Variants in GRHL1 observed in about 807,000 individuals in gnomAD.
The protein encoded by GRHL1 is grainyhead-like protein 1 homolog.
Under a neutral mutation model 75.7 loss-of-function variants are expected in GRHL1, and 38 were observed. The ratio of observed to expected loss-of-function variants is 0.50; its 90% CI spans 0.39 to 0.66. The LOEUF is 0.66. Ranked by LOEUF, GRHL1 falls within the 30% of genes least tolerant of loss-of-function variation. The pLI is 0.00. For missense variants in GRHL1, 589 were observed against 767.5 expected (o/e 0.77, Z 2.75); for synonymous variants, 266 against 279.4 (o/e 0.95, Z 0.48).
rs551380037 is a variant in GRHL1 at position 9,963,999 on chromosome 2, T to G, written c.860T>G (p.Val287Gly). The change falls in exon 6 of 16, where the codon GTG becomes GGG. Residue 287 changes from valine to glycine, a missense_variant. Physicochemically the swap from Val to Gly is moderately radical, Grantham distance 109 (BLOSUM62 -3). Transcript: ENST00000324907. ...TTCTATCCCATCACCTTGAAGGAGG[T>G]GAGCAGCAGTGAAGGAATCCATCAT... is the stretch of plus-strand genomic sequence containing the variant. ...GQFYPITLKE[V>G]SSSEGIHHPI... 23 of 1,613,542 alleles carry G rather than the reference T, an allele frequency of 1.4e-5. No homozygotes were observed. In the Admixed American group the frequency reaches 3.2e-4, roughly 22 times the overall value.
chr2:10,000,492 C>T, intron 15 of GRHL1, 101 bp from the exon 16 acceptor site: 1 of 670,178 alleles, frequency 1.5e-6, no homozygotes, highest in East Asian at 2.6e-5. Context: ...ATTTGCCTCA[C>T]ATGCTGCAAC....
chr2:9,998,797 CACAT>C lies in GRHL1; in HGVS notation c.1678-166_1678-163del, dbSNP rs1229131441. Among the ~76,000 whole-genome samples, 54 of 43,708 alleles carry C rather than the reference CACAT, an allele frequency of 1.2e-3. 4 individuals carry two copies. The highest frequency in any genetic ancestry group is 1.9e-3 in the Non-Finnish European group (47 of 25,330). 28.7% of individuals were successfully genotyped at this position (43,708 alleles called of 152,430 possible). ...ACATATATACGTATATATATGTACACACATATATATACGTATATATATGTACACA... is the reference window on the plus strand; with the variant it reads ...ACATATATACGTATATATATGTACACATATATACGTATATATATGTACACA... On this transcript the variant is annotated intron_variant, in intron 14 of 15. Coordinates refer to ENST00000324907, the MANE Select transcript of GRHL1 (RefSeq NM_198182.3).
At chr2:9,953,759 A>G (rs192647979) in intron 1 of GRHL1, among the ~76,000 whole-genome samples, 1 of 152,322 alleles carries the variant, frequency 6.6e-6, no homozygotes, top group African/African-American at 2.4e-5. Context: ...CAGTCTTTCT[A>G]CATTCACTTT....
Position 9,958,830 on chromosome 2 carries a change from G to A in GRHL1, c.252G>A (p.Glu84=). Reference sequence around the variant, plus strand: ...CATCAACAGCAAAGCCAGAGGTGGAGCACCCTGAGCCAGATCACAGCAAAA... The same window carrying A: ...CATCAACAGCAAAGCCAGAGGTGGAACACCCTGAGCCAGATCACAGCAAAA... ...RRSSTAKPEV[E]HPEPDHSKRN... is the part of the protein sequence containing the mutation. The change falls in exon 3 of 16, where the codon GAG becomes GAA. Residue 84 remains glutamate, a synonymous_variant. Transcript: ENST00000324907. 1.9e-6 allele frequency: 3 copies of A among 1,613,760 alleles called. No homozygotes were observed. Among genetic ancestry groups the A allele is most frequent in the Non-Finnish European group, 2.5e-6 (3 of 1,179,698 alleles).
At chr2:9,979,292 G>C (rs1668098641) in intron 8 of GRHL1, among the ~76,000 whole-genome samples, 1 of 150,028 alleles carries the variant, frequency 6.7e-6, no homozygotes, top group Admixed American at 6.6e-5. Context: ...CTGGAGTGCA[G>C]TGGCATGACA....
At chr2:9,981,617 G>A (rs538348487) in intron 8 of GRHL1, among the ~76,000 whole-genome samples, 1 of 152,312 alleles carries the variant, frequency 6.6e-6, no homozygotes, top group Admixed American at 6.5e-5. Context: ...TATGACCTAC[G>A]GATGTGAAAA....
intron 8 of GRHL1, 74 bp downstream of exon 8, chr2:9,965,455 ATTT>A: frequency 3.1e-6 from 2 of 637,064 alleles, no homozygotes; most frequent in Non-Finnish European, 5.4e-6. Context: ...TTGACAACTG[ATTT>A]TTTTTTTTTT....
chr2:9,964,171 A>AT, intron 6 of GRHL1, 64 bp from the exon 7 acceptor site: 5 of 1,324,150 alleles, frequency 3.8e-6, no homozygotes, highest in Non-Finnish European at 3.2e-6. Context: ...ATAGTACTAA[A>AT]TACGTTTTCC....
rs1369542531 is a variant in GRHL1, at chr2:10,001,327, A to C, written c.*620A>C. The C allele has an allele frequency of 6.6e-6, 1 of 152,662 alleles. No individual in the cohort carries two copies. The highest frequency in any genetic ancestry group is 6.5e-5 in the Admixed American group (1 of 15,284). The allele number at this position is 152,662 out of a possible 1,614,324, so 9.5% of individuals were successfully genotyped here. On this transcript the variant is annotated 3_prime_UTR_variant, in exon 16 of 16. Transcript: ENST00000324907. ...CTCATGAAGAATTTTAATGGGTTAC[A>C]GTATGAAATCAGTTAAGATAAAGCT...
intron 8 of GRHL1, among the ~76,000 whole-genome samples, chr2:9,975,397 A>G (rs1258595100): frequency 6.6e-6 from 1 of 152,226 alleles, no homozygotes; most frequent in Non-Finnish European, 1.5e-5. Context: ...CCTGGCACTT[A>G]CCTTGTATAT....
In GRHL1 at chr2:9,968,887, A is replaced by G. The variant is rs555628486; in HGVS notation, c.1110+3506A>G. Among the ~76,000 whole-genome samples the G allele has an allele frequency of 5.3e-5, 8 of 152,354 alleles. No homozygotes were observed. The highest frequency in any genetic ancestry group is 1.7e-4 in the African/African-American group (7 of 41,584). ...CTGCCACTAGTTCCGCAGGCCAGGT[A>G]GATAGTGGCATAAGTGTCCCCATTT... On this transcript the variant is annotated intron_variant, in intron 8 of 15. Transcript: ENST00000324907. The surrounding 1 kb of genome is among the most constrained non-coding windows in gnomAD (Gnocchi z 4.7).
rs1558324308 is a variant in GRHL1, at chr2:10,001,442, C to CTG, written c.*739_*740dup. On this transcript the variant is annotated 3_prime_UTR_variant, in exon 16 of 16. Transcript: ENST00000324907. ...AATATATAATATATAAATATGGTGTCTGTGTACATATAGTGAAGATATGCA... is the reference window on the plus strand; with the variant it reads ...AATATATAATATATAAATATGGTGTCTGTGTGTACATATAGTGAAGATATGCA... 6.6e-6 allele frequency: 1 copy of CTG among 152,162 alleles called. No individual in the cohort carries two copies. Among genetic ancestry groups the CTG allele is most frequent in the Non-Finnish European group, 1.5e-5 (1 of 68,026 alleles). The allele number at this position is 152,162 out of a possible 1,614,324, so 9.4% of individuals were successfully genotyped here. A position where few individuals can be genotyped will look rare whatever the true frequency, so the allele number is the denominator to read the frequency against.
intron 8 of GRHL1, among the ~76,000 whole-genome samples, chr2:9,984,037 C>G (rs1668311998): frequency 6.6e-6 from 1 of 152,050 alleles, no homozygotes; most frequent in Admixed American, 6.5e-5. Flanking sequence ...GCCTGTAATC[C>G]TGGCTACCCA....
intron 5 of GRHL1, among the ~76,000 whole-genome samples, chr2:9,963,069 G>A (rs923480864): frequency 6.6e-6 from 1 of 152,122 alleles, no homozygotes; most frequent in African/African-American, 2.4e-5. Context: ...TTTTACATGT[G>A]TTATATTTTA....
chr2:9,994,334 T>TATG (rs1323532397), intron 12 of GRHL1, among the ~76,000 whole-genome samples: 1 of 148,356 alleles, frequency 6.7e-6, no homozygotes, highest in Non-Finnish European at 1.5e-5. Context: ...TTATTATTAT[T>TATG]ATTATTATTA....
chr2:9,995,464 G>A (rs73162262), intron 12 of GRHL1: 34,784 of 155,674 alleles, frequency 0.22, 4,287 homozygotes, highest in African/African-American at 0.33. Context: ...GGTGGTGTGC[G>A]CCACTTGGGA....
rs1274347219 is a variant in GRHL1 at position 10,001,316 on chromosome 2, T to C, written c.*609T>C. On this transcript the variant is annotated 3_prime_UTR_variant, in exon 16 of 16. Coordinates refer to ENST00000324907, the MANE Select transcript of GRHL1 (RefSeq NM_198182.3). ...CAACTGCCTTTCTCATGAAGAATTT[T>C]AATGGGTTACAGTATGAAATCAGTT... is the stretch of plus-strand genomic sequence containing the variant. 1 of 152,684 alleles carries C rather than the reference T, an allele frequency of 6.5e-6. No individual in the cohort carries two copies. Among genetic ancestry groups the C allele is most frequent in the East Asian group, 1.9e-4 (1 of 5,204 alleles). The allele number at this position is 152,684 out of a possible 1,614,324, so 9.5% of individuals were successfully genotyped here.
chr2:9,982,355 A>G (rs914511948), intron 8 of GRHL1, among the ~76,000 whole-genome samples: 6 of 152,252 alleles, frequency 3.9e-5, no homozygotes, highest in East Asian at 1.9e-4. Context: ...AGTGGTTTCT[A>G]TCTTGGCCAA....
rs1055516556 is a variant in GRHL1 at position 9,987,932 on chromosome 2, G to A, written c.1269+1650G>A. Among the ~76,000 whole-genome samples the A allele has an allele frequency of 6.6e-6, 1 of 152,144 alleles. No homozygotes were observed. The highest frequency in any genetic ancestry group is 2.4e-5 in the African/African-American group (1 of 41,434). On this transcript the variant is annotated intron_variant, in intron 9 of 15. Transcript: ENST00000324907. The surrounding 1 kb of genome is among the most constrained non-coding windows in gnomAD (Gnocchi z 4.2). ...CTATTAAGGGAGCTTGTCTTTTATT[G>A]AGATTTTTAGAGGGGCTAGGTAACT...
Sources: allele counts gnomAD v4.1 joint callset (sites outside exome capture counted in the v4.1 genomes callset), GRCh38; gene constraint gnomAD v4.1.1; non-coding constraint Gnocchi (gnomAD v3.1); transcripts MANE v1.5; gene names NCBI Gene and HGNC (gene_info 2026-07-23, HGNC 2026-07-21).